Variants in KCNN2 observed in about 807,000 individuals in gnomAD.
KCNN2 encodes small conductance calcium-activated potassium channel protein 2.
A neutral mutation model predicts 55.5 loss-of-function variants in KCNN2; 24 were observed. The observed-to-expected ratio is 0.43, with a 90% CI of 0.31 to 0.61. KCNN2 has a LOEUF of 0.61. Ranked by LOEUF, KCNN2 falls within the 20% of genes least tolerant of loss-of-function variation. The pLI, the probability that KCNN2 is intolerant of heterozygous loss-of-function variation, is 0.08. For synonymous variants in KCNN2, 431 were observed against 336.1 expected (o/e 1.28, Z -3.09); for missense variants, 754 against 853.6 (o/e 0.88, Z 1.45).
chr5:114,208,472 A>T (rs1026445162), intron 1 of KCNN2, among the ~76,000 whole-genome samples: 1 of 152,306 alleles, frequency 6.6e-6, no homozygotes, highest in East Asian at 1.9e-4. Flanking sequence ...GGTGGTGCCC[A>T]ATTCCAGGTT....
rs185817661 is a variant in KCNN2, at chr5:114,072,161, G to A, written c.-271+15661G>A. ...TATAAAATTAGCTGGGCATGGTGGCGCATGCCTGTAGTCCCAGCTATTTGG... is the reference window on the plus strand; with the variant it reads ...TATAAAATTAGCTGGGCATGGTGGCACATGCCTGTAGTCCCAGCTATTTGG... On this transcript the variant is annotated intron_variant, in intron 1 of 10. Transcript: ENST00000512097. Among the ~76,000 whole-genome samples, 42 of 152,144 alleles carry A rather than the reference G, an allele frequency of 2.8e-4. No homozygotes were observed. The East Asian group carries it at 2.9e-3, about 11-fold the overall frequency.
intron 2 of KCNN2, among the ~76,000 whole-genome samples, chr5:114,265,147 G>A (rs1755184591): frequency 1.3e-5 from 2 of 151,752 alleles, no homozygotes; most frequent in South Asian, 2.1e-4. Context: ...TGAGATTCAG[G>A]GTAAGTAACT....
chr5:114,428,510 ATATT>A (rs1267694196), intron 3 of KCNN2, among the ~76,000 whole-genome samples: 2 of 152,162 alleles, frequency 1.3e-5, no homozygotes, highest in African/African-American at 4.8e-5. Context: ...AAAAGTATGC[ATATT>A]TATTATAAAA....
chr5:114,383,395 A>G (rs1758184871), intron 2 of KCNN2, among the ~76,000 whole-genome samples: 1 of 151,622 alleles, frequency 6.6e-6, no homozygotes, highest in Non-Finnish European at 1.5e-5. Flanking sequence ...CCTGGGTGTG[A>G]ATATGGTCTT....
intron 1 of KCNN2, among the ~76,000 whole-genome samples, chr5:114,097,291 T>G (rs1751278074): frequency 6.6e-6 from 1 of 152,192 alleles, no homozygotes; most frequent in South Asian, 2.1e-4. Context: ...GTCAATTTCA[T>G]TTTGTTCGGA....
intron 2 of KCNN2, among the ~76,000 whole-genome samples, chr5:114,230,493 C>T (rs1754337483): frequency 9.3e-6 from 1 of 107,984 alleles, no homozygotes; most frequent in Non-Finnish European, 1.9e-5. Context: ...TCCATGTGAT[C>T]TCATTGTTCA....
At chr5:114,138,848 A>G (rs1216360275) in intron 1 of KCNN2, among the ~76,000 whole-genome samples, 8 of 152,248 alleles carry the variant, frequency 5.3e-5, no homozygotes, top group Admixed American at 3.3e-4. Context: ...GTTAGAAGCT[A>G]CCAATTTTCA....
chr5:114,250,171 T>A (rs1390758887), intron 2 of KCNN2, among the ~76,000 whole-genome samples: 1 of 152,188 alleles, frequency 6.6e-6, no homozygotes, highest in Non-Finnish European at 1.5e-5. Context: ...GGAAATACCA[T>A]GTCTAGCATG....
intron 1 of KCNN2, among the ~76,000 whole-genome samples, chr5:114,090,403 T>A (rs1751113635): frequency 6.6e-6 from 1 of 152,144 alleles, no homozygotes; most frequent in Admixed American, 6.6e-5. Flanking sequence ...TTTATTTCTT[T>A]GCAGAGAACA....
At chr5:114,438,464 T>C (rs1760090328) in intron 3 of KCNN2, among the ~76,000 whole-genome samples, 1 of 152,156 alleles carries the variant, frequency 6.6e-6, no homozygotes, top group Non-Finnish European at 1.5e-5. Flanking sequence ...TTTTGATCTT[T>C]TGGGGACAGG....
chr5:114,195,034 G>A (rs1025311596), intron 1 of KCNN2, among the ~76,000 whole-genome samples: 3 of 151,718 alleles, frequency 2.0e-5, no homozygotes, highest in Admixed American at 6.6e-5. Context: ...TCTTAATTCT[G>A]TTTCATTGAT....
At chr5:114,131,773 A>G (rs1230618422) in intron 1 of KCNN2, among the ~76,000 whole-genome samples, 1 of 152,194 alleles carries the variant, frequency 6.6e-6, no homozygotes. Context: ...CTTTTTCTTC[A>G]CAACCTCAAC....
chr5:114,100,392 G>A (rs1238695892), intron 1 of KCNN2, among the ~76,000 whole-genome samples: 2 of 152,128 alleles, frequency 1.3e-5, no homozygotes, highest in African/African-American at 4.8e-5. Flanking sequence ...TGTTGGAATA[G>A]TATTGCTGGG....
chr5:114,197,966 AT>A (rs1753592839), intron 1 of KCNN2, among the ~76,000 whole-genome samples: 2 of 152,168 alleles, frequency 1.3e-5, no homozygotes, highest in Admixed American at 6.5e-5. Flanking sequence ...TGAATGATTA[AT>A]GATCTTTTAA....
At chr5:114,169,997 C>A (rs1310117768) in intron 1 of KCNN2, among the ~76,000 whole-genome samples, 1 of 152,056 alleles carries the variant, frequency 6.6e-6, no homozygotes, top group Non-Finnish European at 1.5e-5. Flanking sequence ...CACCTTCCTG[C>A]TATTGTAAAT....
chr5:114,249,275 T>G (rs960337822), intron 2 of KCNN2, among the ~76,000 whole-genome samples: 1 of 55,530 alleles, frequency 1.8e-5, no homozygotes, highest in African/African-American at 4.9e-5. Flanking sequence ...TTTCTTTTTC[T>G]TTCTTTCTTT....
chr5:114,479,766 G>A (rs143764973), intron 5 of KCNN2, among the ~76,000 whole-genome samples: 16 of 152,132 alleles, frequency 1.1e-4, no homozygotes, highest in Admixed American at 3.3e-4. Flanking sequence ...TTGAACAGCC[G>A]GCTCCTGAAT....
At chr5:114,449,908 A>ACACACACACACGCACGCG (rs1309590184) in intron 3 of KCNN2, among the ~76,000 whole-genome samples, 1 of 66,120 alleles carries the variant, frequency 1.5e-5, no homozygotes, top group African/African-American at 3.5e-5. Context: ...ACACACACAC[A>ACACACACACACGCACGCG]CGCGCGCGCT....
At chr5:114,074,307 T>TGC (rs1237477500) in intron 1 of KCNN2, among the ~76,000 whole-genome samples, 1 of 135,726 alleles carries the variant, frequency 7.4e-6, no homozygotes, top group Non-Finnish European at 1.6e-5. Context: ...TGTGTGTGTG[T>TGC]GTGTGTGTGT....
Sources: gnomAD v4.1 joint callset for allele counts (sites outside exome capture counted in the v4.1 genomes callset) on GRCh38, gnomAD v4.1.1 for gene constraint, MANE v1.5 for transcripts, NCBI Gene and HGNC (gene_info 2026-07-23, HGNC 2026-07-21) for gene names.